Variants in IL19 observed in about 807,000 individuals in gnomAD.
The protein encoded by IL19 is interleukin 19.
IL19 carries 15 observed loss-of-function variants against 19.5 expected under a neutral mutation model. The ratio of observed to expected loss-of-function variants is 0.77; its 90% CI spans 0.52 to 1.19. The LOEUF (loss-of-function observed/expected upper bound fraction) is 1.19. IL19 is among the 50% of genes most tolerant of loss of function. The probability of loss-of-function intolerance (pLI) is 0.00; values close to 1 mark genes in which losing one functional copy is unlikely to be tolerated. For missense variants in IL19, 199 were observed against 213.1 expected (o/e 0.93, Z 0.41); for synonymous variants, 78 against 78.3 (o/e 1.00, Z 0.02).
At chr1:206,821,696 C>T (rs1035015982) in intron 2 of IL19, among the ~76,000 whole-genome samples, 6 of 152,212 alleles carry the variant, frequency 3.9e-5, no homozygotes, top group African/African-American at 1.4e-4. Flanking sequence ...TCACCACCTG[C>T]CAGGTGCTTC....
At chr1:206,805,319 G>A (rs116422493) in intron 2 of IL19, among the ~76,000 whole-genome samples, 2,652 of 152,298 alleles carry the variant, frequency 0.017, 33 homozygotes, top group Non-Finnish European at 0.023. Context: ...AGGTGGTAGA[G>A]GCTATAAAGA....
intron 2 of IL19, among the ~76,000 whole-genome samples, chr1:206,806,712 C>T (rs1675855320): frequency 1.3e-5 from 2 of 152,182 alleles, no homozygotes; most frequent in Admixed American, 6.5e-5. Flanking sequence ...AAATATATTA[C>T]GATTTGGTCC....
chr1:206,804,397 A>T (rs1247512313), intron 2 of IL19, among the ~76,000 whole-genome samples: 1 of 152,118 alleles, frequency 6.6e-6, no homozygotes, highest in African/African-American at 2.4e-5. Context: ...CTTGATTTTT[A>T]TCTGTTTCTG....
intron 2 of IL19, among the ~76,000 whole-genome samples, chr1:206,817,661 C>T (rs1254479545): frequency 6.6e-6 from 1 of 151,844 alleles, no homozygotes; most frequent in East Asian, 1.9e-4. Context: ...ACATAACAGT[C>T]TTAAGTGTTT....
intron 4 of IL19, among the ~76,000 whole-genome samples, chr1:206,838,736 T>TTTCCCTTTCC (rs1676886077): frequency 1.7e-5 from 2 of 117,126 alleles, no homozygotes; most frequent in Non-Finnish European, 3.6e-5. Context: ...CTTCCCTTCC[T>TTTCCCTTTCC]TTCCCTTCCC....
At chr1:206,784,083 G>C (rs531879505) in intron 1 of IL19, among the ~76,000 whole-genome samples, 5 of 152,310 alleles carry the variant, frequency 3.3e-5, no homozygotes, top group African/African-American at 1.2e-4. Context: ...ATGTTACAGG[G>C]AGACAGAGAA....
intron 2 of IL19, among the ~76,000 whole-genome samples, chr1:206,806,216 G>T (rs1006930447): frequency 6.6e-6 from 1 of 152,154 alleles, no homozygotes; most frequent in African/African-American, 2.4e-5. Flanking sequence ...GGGATGAGAG[G>T]ATGGGTCAGC....
intron 1 of IL19, among the ~76,000 whole-genome samples, chr1:206,782,861 T>C (rs540446017): frequency 6.6e-6 from 1 of 152,310 alleles, no homozygotes; most frequent in South Asian, 2.1e-4. Flanking sequence ...TATTCTCCTC[T>C]CTCCCTCCTC....
intron 1 of IL19, among the ~76,000 whole-genome samples, chr1:206,775,295 G>A (rs1054636268): frequency 5.3e-5 from 8 of 151,824 alleles, no homozygotes; most frequent in African/African-American, 9.7e-5. Context: ...CTTATGATCC[G>A]CCCGCCTTGG....
chr1:206,797,748 C>CA (rs1198731660), intron 1 of IL19, among the ~76,000 whole-genome samples: 4 of 152,214 alleles, frequency 2.6e-5, no homozygotes, highest in African/African-American at 9.7e-5. Context: ...TATGTCCCCA[C>CA]AGGGATCAGG....
intron 1 of IL19, among the ~76,000 whole-genome samples, chr1:206,798,050 G>C (rs77075494): frequency 0.012 from 1,801 of 152,334 alleles, 14 homozygotes; most frequent in Non-Finnish European, 0.018. Context: ...TGGTTGTGTT[G>C]AGGTGGAGTT....
At chr1:206,792,436 A>G (rs1407579953) in intron 1 of IL19, among the ~76,000 whole-genome samples, 1 of 152,062 alleles carries the variant, frequency 6.6e-6, no homozygotes, top group African/African-American at 2.4e-5. Context: ...TTTGTGGTTT[A>G]GTACATTCAC....
At chr1:206,825,705 C>A (rs868285871) in intron 2 of IL19, among the ~76,000 whole-genome samples, 2 of 152,208 alleles carry the variant, frequency 1.3e-5, no homozygotes, top group South Asian at 2.1e-4. Context: ...CTCCTCCCCA[C>A]CAGGAACCCA....
rs1004175069 is a variant in IL19, at chr1:206,798,886, A to G, written c.-123A>G. 1 of 1,595,514 alleles carries G rather than the reference A, an allele frequency of 6.3e-7. No homozygotes were observed. The highest frequency in any genetic ancestry group is 1.1e-5 in the South Asian group (1 of 90,306). ...AGCGGTGCTTGCACACACTGACAGGAGTCCAAGAATGTGCACTGAGGGAGC... is the reference window on the plus strand; with the variant it reads ...AGCGGTGCTTGCACACACTGACAGGGGTCCAAGAATGTGCACTGAGGGAGC... On this transcript the variant is annotated 5_prime_UTR_variant, in exon 2 of 7. Transcript: ENST00000659997.
intron 2 of IL19, among the ~76,000 whole-genome samples, chr1:206,819,025 C>T (rs948867571): frequency 2.0e-5 from 3 of 151,590 alleles, no homozygotes; most frequent in Admixed American, 6.6e-5. Flanking sequence ...GTTGGCCAGG[C>T]TGGTCTCGAA....
intron 1 of IL19, among the ~76,000 whole-genome samples, chr1:206,774,495 C>T (rs1800892): frequency 0.011 from 1,732 of 152,248 alleles, 18 homozygotes; most frequent in Non-Finnish European, 0.018. Flanking sequence ...CAGGTCTAAC[C>T]CCCTCTCTGA....
intron 2 of IL19, among the ~76,000 whole-genome samples, chr1:206,835,096 C>T (rs1204440108): frequency 6.6e-6 from 1 of 152,220 alleles, no homozygotes; most frequent in Non-Finnish European, 1.5e-5. Context: ...CTGGAATTGC[C>T]TCACCAAGCT....
chr1:206,789,135 T>A (rs1028757330), intron 1 of IL19, among the ~76,000 whole-genome samples: 1 of 152,250 alleles, frequency 6.6e-6, no homozygotes, highest in East Asian at 1.9e-4. Flanking sequence ...TAGAGAGGAC[T>A]GACTGGAAAG....
intron 2 of IL19, among the ~76,000 whole-genome samples, chr1:206,834,795 G>A (rs2102485878): frequency 6.6e-6 from 1 of 152,282 alleles, no homozygotes; most frequent in African/African-American, 2.4e-5. Context: ...CTGGTGTCAG[G>A]GGAGCTACTG....
Sources: allele counts gnomAD v4.1 joint callset (sites outside exome capture counted in the v4.1 genomes callset), GRCh38; gene constraint gnomAD v4.1.1; transcripts MANE v1.5; gene names NCBI Gene and HGNC (gene_info 2026-07-23, HGNC 2026-07-21).